Variants in APP observed in about 807,000 individuals in gnomAD.
The protein encoded by APP is amyloid-beta precursor protein.
In APP, 31 loss-of-function variants were observed where a neutral mutation model predicts 101.4. The ratio of observed to expected loss-of-function variants is 0.31; its 90% CI spans 0.23 to 0.41. APP has a LOEUF of 0.41. Among genes scored for constraint, APP ranks in the 10% least tolerant of loss-of-function variants. APP has a pLI of 1.00. For missense variants in APP, 839 were observed against 1,003.7 expected (o/e 0.84, Z 2.22); for synonymous variants, 366 against 364.4 (o/e 1.00, Z -0.05).
chr21:26,152,718 A>G (rs458727), intron 1 of APP, among the ~76,000 whole-genome samples: 60,431 of 152,030 alleles, frequency 0.4, 12,652 homozygotes, highest in African/African-American at 0.54. Context: ...TACCACCTCT[A>G]TGGAAAACAT....
At chr21:26,146,493 CTAT>C (rs1353125677) in intron 1 of APP, among the ~76,000 whole-genome samples, 1 of 152,104 alleles carries the variant, frequency 6.6e-6, no homozygotes. Context: ...TTCCTGTGTA[CTAT>C]AAAATTCTTT....
At chr21:26,143,704 T>C (rs748310801) in intron 1 of APP, among the ~76,000 whole-genome samples, 1 of 152,226 alleles carries the variant, frequency 6.6e-6, no homozygotes, top group African/African-American at 2.4e-5. Context: ...ATCGCCTCAC[T>C]TCCCCCACAT....
In APP at chr21:25,888,080, T is replaced by A. The variant is rs188234758; in HGVS notation, c.2211+3642A>T. On this transcript the variant is annotated intron_variant, in intron 17 of 17. Transcript: ENST00000346798. ...ATCATGACTTCTTCAGGCACGATGG[T>A]ATGTAAGTACAATGGTATTCTGTCC... Among the ~76,000 whole-genome samples, 45 of 152,316 alleles carry A rather than the reference T, an allele frequency of 3.0e-4. 2 individuals carry two copies. The East Asian group carries it at 8.1e-3, about 27-fold the overall frequency.
intron 3 of APP, among the ~76,000 whole-genome samples, chr21:26,064,573 T>A (rs2046386986): frequency 6.6e-6 from 1 of 150,760 alleles, no homozygotes; most frequent in Non-Finnish European, 1.5e-5. Context: ...TACTGGGGGC[T>A]TGCATACAGG....
intron 13 of APP, among the ~76,000 whole-genome samples, chr21:25,948,565 T>C (rs1569093995): frequency 7.6e-6 from 1 of 131,934 alleles, no homozygotes; most frequent in Admixed American, 7.8e-5. Context: ...TTTATTAATT[T>C]TGAATGCTAG....
chr21:26,085,785 C>T (rs1224373738), intron 3 of APP, among the ~76,000 whole-genome samples: 1 of 152,148 alleles, frequency 6.6e-6, no homozygotes, highest in Non-Finnish European at 1.5e-5. Flanking sequence ...GAAAACAAGG[C>T]ATGCTTTTCC....
At chr21:26,015,046 T>C (rs2043991340) in intron 6 of APP, among the ~76,000 whole-genome samples, 1 of 152,220 alleles carries the variant, frequency 6.6e-6, no homozygotes, top group African/African-American at 2.4e-5. Context: ...ATATACAGTG[T>C]ATATTCACAC....
intron 2 of APP, among the ~76,000 whole-genome samples, chr21:26,111,739 T>C (rs879584681): frequency 4.0e-5 from 6 of 151,566 alleles, no homozygotes; most frequent in African/African-American, 7.3e-5. Context: ...AAAAAAAAAG[T>C]GCTGTGACAT....
intron 5 of APP, among the ~76,000 whole-genome samples, chr21:26,029,417 G>A (rs989341956): frequency 1.3e-5 from 2 of 152,148 alleles, no homozygotes; most frequent in African/African-American, 4.8e-5. Context: ...TTACTGCCCT[G>A]ATAACAATTA....
intron 5 of APP, among the ~76,000 whole-genome samples, chr21:26,026,737 T>C (rs1158619226): frequency 1.1e-4 from 16 of 152,316 alleles, no homozygotes; most frequent in Admixed American, 5.9e-4. Context: ...ATTTGGGGGA[T>C]AGTAAAAGTA....
intron 3 of APP, among the ~76,000 whole-genome samples, chr21:26,083,368 ATATT>A (rs1437962008): frequency 6.6e-6 from 1 of 152,368 alleles, no homozygotes; most frequent in East Asian, 1.9e-4. Flanking sequence ...CTCTCCAAGA[ATATT>A]TAATTTCACA....
chr21:26,043,331 G>A (rs2045461234), intron 5 of APP, among the ~76,000 whole-genome samples: 1 of 152,080 alleles, frequency 6.6e-6, no homozygotes, highest in South Asian at 2.1e-4. Flanking sequence ...CACCTCCTGG[G>A]TTCAAGCGAT....
chr21:26,039,398 G>C (rs190410004), intron 5 of APP, among the ~76,000 whole-genome samples: 1 of 152,198 alleles, frequency 6.6e-6, no homozygotes, highest in Non-Finnish European at 1.5e-5. Context: ...GGTCTCAAAT[G>C]TAAAAGAAAA....
intron 1 of APP, among the ~76,000 whole-genome samples, chr21:26,136,139 AAAAAG>A (rs145227817): frequency 1.1e-4 from 8 of 74,822 alleles, no homozygotes; most frequent in South Asian, 3.9e-4. Flanking sequence ...TCAAAAAAGA[AAAAAG>A]AAAAGAAAAG....
At chr21:25,914,171 C>T (rs1443243245) in intron 13 of APP, among the ~76,000 whole-genome samples, 3 of 152,022 alleles carry the variant, frequency 2.0e-5, no homozygotes, top group Admixed American at 1.3e-4. Flanking sequence ...TTCTTCGTGT[C>T]CAGTACTCAC....
chr21:26,122,764 T>C (rs1661641349), intron 1 of APP, among the ~76,000 whole-genome samples: 1 of 151,664 alleles, frequency 6.6e-6, no homozygotes, highest in African/African-American at 2.4e-5. Flanking sequence ...TATTAAAAGA[T>C]TTTAATAAAA....
intron 11 of APP, among the ~76,000 whole-genome samples, chr21:25,969,926 G>A (rs1446860841): frequency 5.2e-5 from 2 of 38,468 alleles, no homozygotes; most frequent in Non-Finnish European, 8.4e-5. Flanking sequence ...GAAGAGAAAA[G>A]GAAAGGAAAG....
At chr21:25,929,390 T>C in intron 13 of APP, among the ~76,000 whole-genome samples, 1 of 147,276 alleles carries the variant, frequency 6.8e-6, no homozygotes, top group Admixed American at 6.8e-5. Context: ...AGAGTAGTGG[T>C]TTTTTTTTAA....
chr21:25,965,745 T>A lies in APP; in HGVS notation c.1458+9325A>T, dbSNP rs143136019. On this transcript the variant is annotated intron_variant, in intron 11 of 17. Transcript: ENST00000346798. ...TTCTTTGCTACCCATCTGTTCTCTA[T>A]CAGTCATACCAGGCAGGTGAATAAC... Among the ~76,000 whole-genome samples the A allele has an allele frequency of 3.4e-3, 522 of 152,340 alleles. 1 individual carries two copies. The highest frequency in any genetic ancestry group is 4.9e-3 in the Non-Finnish European group (334 of 68,026).
Sources: gnomAD v4.1 joint callset for allele counts (sites outside exome capture counted in the v4.1 genomes callset) on GRCh38, gnomAD v4.1.1 for gene constraint, MANE v1.5 for transcripts, NCBI Gene and HGNC (gene_info 2026-07-23, HGNC 2026-07-21) for gene names.